The following MYOT variants were observed in gnomAD, a reference collection of about 807,000 sequenced individuals.
MYOT encodes myotilin, also known as 57 kDa cytoskeletal protein.
A neutral mutation model predicts 58.0 loss-of-function variants in MYOT; 36 were observed. The ratio of observed to expected loss-of-function variants is 0.62; its 90% CI spans 0.48 to 0.82. The LOEUF is 0.82. Ranked by LOEUF, MYOT falls within the 40% of genes least tolerant of loss-of-function variation. MYOT has a pLI of 0.00. For synonymous variants in MYOT, 218 were observed against 204.6 expected, an observed-to-expected ratio of 1.07 and a Z score of -0.56; for missense variants, 505 against 592.1, an observed-to-expected ratio of 0.85 and a Z score of 1.53.
chr5:137,881,139 C>G (rs1295334305), intron 5 of MYOT, among the ~76,000 whole-genome samples: 1 of 152,128 alleles, frequency 6.6e-6, no homozygotes, highest in Non-Finnish European at 1.5e-5. Flanking sequence ...TCTTATTATA[C>G]AATCTTTGGT....
chr5:137,882,629 T>C (rs1755473312), intron 6 of MYOT, among the ~76,000 whole-genome samples: 1 of 151,938 alleles, frequency 6.6e-6, no homozygotes. Context: ...AACTCCTGGG[T>C]TCAAGGCGAT....
intron 7 of MYOT, 131 bp from the exon 8 acceptor site, chr5:137,885,917 A>G: frequency 1.7e-6 from 1 of 601,868 alleles, no homozygotes; most frequent in Non-Finnish European, 2.9e-6. Flanking sequence ...TGTCTTTTTT[A>G]CTGAGTTTCT....
Position 137,870,592 on chromosome 5 carries a change from C to T in MYOT, c.-60C>T, listed in dbSNP as rs1755015274. Reference sequence around the variant, plus strand: ...GTGGCCCCAAATTCAGGGCCCCACCCTTCCAGGAACAAATCATTATAGTAA... The same window carrying T: ...GTGGCCCCAAATTCAGGGCCCCACCTTTCCAGGAACAAATCATTATAGTAA... On this transcript the variant is annotated 5_prime_UTR_variant, in exon 2 of 10. Transcript: ENST00000239926. 6.7e-7 allele frequency: 1 copy of T among 1,498,652 alleles called. No homozygotes were observed. Among genetic ancestry groups the T allele is most frequent in the Non-Finnish European group, 9.3e-7 (1 of 1,075,108 alleles). 92.8% of individuals were successfully genotyped at this position (1,498,652 alleles called of 1,614,324 possible). A position where few individuals can be genotyped will look rare whatever the true frequency, so the allele number is the denominator to read the frequency against.
At chr5:137,868,975 C>A (rs1051232838) in intron 1 of MYOT, among the ~76,000 whole-genome samples, 1 of 152,134 alleles carries the variant, frequency 6.6e-6, no homozygotes. Context: ...TTCTCAATAG[C>A]GTCTTTCTCT....
intron 7 of MYOT, among the ~76,000 whole-genome samples, 190 bp downstream of exon 7, chr5:137,883,781 T>C (rs1755513220): frequency 1.3e-5 from 2 of 152,150 alleles, no homozygotes; most frequent in Non-Finnish European, 1.5e-5. Context: ...TACATACATA[T>C]ATAGATATGT....
chr5:137,886,082 C>T lies in MYOT; in HGVS notation c.1059C>T (p.Tyr353=). Residue 353 remains tyrosine, a synonymous_variant, in exon 8 of 10, where the codon TAC becomes TAT. Transcript: ENST00000239926. ...KEHKRAPMFI[Y]KPQSKKVLEG... ...ATAAAAGAGCACCAATGTTTATCTA[C>T]AAACCACAGAGCAAAAAAGTTTTAG... 6.2e-7 allele frequency: 1 copy of T among 1,606,292 alleles called. No homozygotes were observed. Among genetic ancestry groups the T allele is most frequent in the Non-Finnish European group, 8.5e-7 (1 of 1,173,562 alleles).
In MYOT at chr5:137,880,835, C is replaced by T. The variant is rs533510304; in HGVS notation, c.653C>T (p.Ala218Val). 8.7e-6 allele frequency: 14 copies of T among 1,611,928 alleles called. No homozygotes were observed. The African/African-American group carries it at 1.1e-4, about 12-fold the overall frequency. The change falls in exon 5 of 10, where the codon GCG becomes GTG. Residue 218 changes from alanine to valine, a missense_variant. By Grantham distance (64) the Ala-to-Val change is moderately conservative. Coordinates refer to ENST00000239926, the MANE Select transcript of MYOT (RefSeq NM_006790.3). ...QDSQQHNSEHARLQVPTSQVR... is the reference protein window; with the variant it reads ...QDSQQHNSEHVRLQVPTSQVR... ...TTCAAGCAACACAACTCAGAACATG[C>T]GCGACTGCAAGTTCCTACATCACAA...
Position 137,882,144 on chromosome 5 carries a change from A to T in MYOT, c.816+39A>T, listed in dbSNP as rs1281272852. 4.4e-6 allele frequency: 7 copies of T among 1,608,278 alleles called. No homozygotes were observed. The African/African-American group carries it at 9.4e-5, about 22-fold the overall frequency. On this transcript the variant is annotated intron_variant, in intron 6 of 9. Transcript: ENST00000239926. Reference sequence around the variant, plus strand: ...TCAAAAGTACTGGGGGAAAATTAACAATGGGATACTAAGTTTTGAAAAATG... The same window carrying T: ...TCAAAAGTACTGGGGGAAAATTAACTATGGGATACTAAGTTTTGAAAAATG...
rs548322385 is a variant in MYOT, at chr5:137,876,944, T to C, written c.532-576T>C. On this transcript the variant is annotated intron_variant, in intron 3 of 9. Transcript: ENST00000239926. Reference sequence around the variant, plus strand: ...TTTCCCTTTACTTAGGAGATCCTTATTTAAGAGTGATTATGCTTGCCTGTC... The same window carrying C: ...TTTCCCTTTACTTAGGAGATCCTTACTTAAGAGTGATTATGCTTGCCTGTC... 7.2e-5 allele frequency among the ~76,000 whole-genome samples: 11 copies of C among 152,120 alleles called. No homozygotes were observed. In the South Asian group the frequency reaches 2.3e-3, roughly 32 times the overall value.
At chr5:137,878,887 T>C (rs927319474) in intron 4 of MYOT, among the ~76,000 whole-genome samples, 4 of 152,090 alleles carry the variant, frequency 2.6e-5, no homozygotes, top group Admixed American at 2.0e-4. Context: ...CACTCTTTCT[T>C]CCTTCATAGT....
intron 3 of MYOT, among the ~76,000 whole-genome samples, 153 bp from the exon 4 acceptor site, chr5:137,877,367 C>CAAA (rs1172576383): frequency 5.2e-4 from 22 of 42,052 alleles, no homozygotes; most frequent in African/African-American, 8.4e-4. Flanking sequence ...GACTCCGTCT[C>CAAA]AAAAAAAAAA....
chr5:137,883,632 A>G (rs1448261816), intron 7 of MYOT, 41 bp downstream of exon 7: 11 of 1,563,068 alleles, frequency 7.0e-6, no homozygotes, highest in Admixed American at 1.7e-5. Flanking sequence ...CTTAAAATCC[A>G]GAAGTATTGA....
rs910665692 is a variant in MYOT, at chr5:137,887,469, T to C, written c.*84T>C. On this transcript the variant is annotated 3_prime_UTR_variant, in exon 10 of 10. Coordinates refer to ENST00000239926, the MANE Select transcript of MYOT (RefSeq NM_006790.3). ...TTTTTTTGAAATTAATCCATAGCTG[T>C]ATTAACAGATTATGGTTTTAATTAG... 3.9e-6 allele frequency: 5 copies of C among 1,277,750 alleles called. No homozygotes were observed. The African/African-American group carries it at 4.5e-5, about 11-fold the overall frequency. The allele number at this position is 1,277,750 out of a possible 1,614,324, so 79.2% of individuals were successfully genotyped here.
At chr5:137,884,968 A>C (rs930497578) in intron 7 of MYOT, among the ~76,000 whole-genome samples, 6 of 152,312 alleles carry the variant, frequency 3.9e-5, no homozygotes, top group Non-Finnish European at 7.4e-5. Context: ...CCTCAATCTC[A>C]GGGGAAAAAC....
Position 137,887,215 on chromosome 5 carries a change from C to T in MYOT, c.1327C>T (p.Arg443Cys), listed in dbSNP as rs192257955. ...TCNTRLDVTA[R>C]PNQTLPAPKQ... Reference sequence around the variant, plus strand: ...AACTTTTATGTGATCTATTTCAGCACGTCCAAACCAAACTCTTCCAGCTCC... The same window carrying T: ...AACTTTTATGTGATCTATTTCAGCATGTCCAAACCAAACTCTTCCAGCTCC... The change falls in exon 10 of 10, where the codon CGT (arginine) becomes TGT (cysteine). Residue 443 changes from arginine (R) to cysteine (C), a missense_variant and splice_region_variant. Arg to Cys is a radical substitution (Grantham distance 180). Coordinates refer to ENST00000239926, the MANE Select transcript of MYOT (RefSeq NM_006790.3). The T allele has an allele frequency of 1.4e-5, 23 of 1,613,952 alleles. No homozygotes were observed. The highest frequency in any genetic ancestry group is 1.1e-4 in the East Asian group (5 of 44,848).
chr5:137,882,112 G>A lies in MYOT; in HGVS notation c.816+7G>A. The A allele has an allele frequency of 6.2e-7, 1 of 1,614,076 alleles. No homozygotes were observed. The highest frequency in any genetic ancestry group is 8.5e-7 in the Non-Finnish European group (1 of 1,179,972). ...CTGCAGAATGGACTTCAAAGTAAGA[G>A]AAGGGTTCAAAAGTACTGGGGGAAA... On this transcript the variant is annotated splice_region_variant and intron_variant, in intron 6 of 9. Transcript: ENST00000239926.
intron 3 of MYOT, 94 bp from the exon 4 acceptor site, chr5:137,877,426 C>G: frequency 3.0e-6 from 2 of 657,542 alleles, no homozygotes; most frequent in East Asian, 3.3e-5. Context: ...AACTATGCTT[C>G]TTTGAAGTTC....
intron 3 of MYOT, among the ~76,000 whole-genome samples, chr5:137,877,193 C>T (rs1402734906): frequency 2.0e-5 from 3 of 151,564 alleles, no homozygotes; most frequent in African/African-American, 4.8e-5. Context: ...ACAGTGAAAC[C>T]CCGTCTCTAC....
intron 2 of MYOT, among the ~76,000 whole-genome samples, chr5:137,872,662 G>C (rs1034027641): frequency 1.3e-5 from 2 of 152,116 alleles, no homozygotes; most frequent in Admixed American, 6.6e-5. Flanking sequence ...CAACTCCCTC[G>C]TTATTATGGG....
Sources: allele counts gnomAD v4.1 joint callset (sites outside exome capture counted in the v4.1 genomes callset), GRCh38; gene constraint gnomAD v4.1.1; transcripts MANE v1.5; gene names NCBI Gene and HGNC (gene_info 2026-07-23, HGNC 2026-07-21).